LPP: variants seen among roughly 807,000 people sequenced by gnomAD.
The protein encoded by LPP is lipoma-preferred partner.
In LPP, 38 loss-of-function variants were observed where a neutral mutation model predicts 60.4. That is an observed-to-expected ratio of 0.63 (90% CI 0.49 to 0.83). The LOEUF (loss-of-function observed/expected upper bound fraction) is 0.83. Among genes scored for constraint, LPP ranks in the 40% least tolerant of loss-of-function variants. The pLI, the probability that LPP is intolerant of heterozygous loss-of-function variation, is 0.00. For missense variants in LPP, 902 were observed against 783.6 expected (o/e 1.15, Z -1.80); for synonymous variants, 328 against 290.8 (o/e 1.13, Z -1.30).
At chr3:188,715,524 T>A (rs1022896644) in intron 8 of LPP, among the ~76,000 whole-genome samples, 1 of 151,854 alleles carries the variant, frequency 6.6e-6, no homozygotes, top group African/African-American at 2.4e-5. Flanking sequence ...GAGAAAGGTA[T>A]TATTCTCAGA....
chr3:188,708,036 A>G (rs550725405), intron 7 of LPP, among the ~76,000 whole-genome samples: 1 of 152,382 alleles, frequency 6.6e-6, no homozygotes, highest in Non-Finnish European at 1.5e-5. Context: ...TATTGTAAAC[A>G]TGGATTTCTA....
intron 8 of LPP, chr3:188,743,515 T>G (rs569769250): frequency 6.6e-6 from 1 of 152,228 alleles, no homozygotes; most frequent in East Asian, 1.9e-4. Context: ...AGTCTGTGTG[T>G]GTTAACAGAT....
At chr3:188,670,824 C>A (rs542870287) in intron 7 of LPP, among the ~76,000 whole-genome samples, 7 of 152,148 alleles carry the variant, frequency 4.6e-5, no homozygotes, top group Non-Finnish European at 8.8e-5. Context: ...TCCAAATGGT[C>A]ACATCTTATG....
intron 8 of LPP, among the ~76,000 whole-genome samples, chr3:188,750,904 A>G (rs1433451827): frequency 6.6e-6 from 1 of 152,142 alleles, no homozygotes; most frequent in Non-Finnish European, 1.5e-5. Flanking sequence ...GATCTGATCT[A>G]ACTTTACATG....
At chr3:188,167,487 C>A (rs1357096256) in intron 1 of LPP, among the ~76,000 whole-genome samples, 1 of 133,166 alleles carries the variant, frequency 7.5e-6, no homozygotes, top group African/African-American at 3.1e-5. Flanking sequence ...GGCAACGGAG[C>A]AAGACTCCAC....
At chr3:188,345,141 A>C (rs994895479) in intron 3 of LPP, among the ~76,000 whole-genome samples, 1 of 152,190 alleles carries the variant, frequency 6.6e-6, no homozygotes, top group Non-Finnish European at 1.5e-5. Context: ...ACATAGTTGT[A>C]TCTTTAAGTA....
intron 1 of LPP, among the ~76,000 whole-genome samples, chr3:188,171,149 C>A (rs368949988): frequency 5.3e-5 from 8 of 152,260 alleles, no homozygotes; most frequent in African/African-American, 1.4e-4. Context: ...CTCTCAGGGC[C>A]TTTTAACTAG....
intron 2 of LPP, among the ~76,000 whole-genome samples, chr3:188,239,425 G>T (rs1056402356): frequency 6.6e-6 from 1 of 152,158 alleles, no homozygotes; most frequent in African/African-American, 2.4e-5. Context: ...TGTTTGTGTC[G>T]ATTACACGGC....
intron 4 of LPP, among the ~76,000 whole-genome samples, chr3:188,413,254 G>A (rs1785319934): frequency 6.6e-6 from 1 of 152,120 alleles, no homozygotes; most frequent in Non-Finnish European, 1.5e-5. Flanking sequence ...GTGCTTTTCT[G>A]TCTCTGGAGT....
chr3:188,589,787 T>G (rs1838274128), intron 6 of LPP, among the ~76,000 whole-genome samples: 3 of 152,238 alleles, frequency 2.0e-5, no homozygotes, highest in Admixed American at 2.0e-4. Flanking sequence ...GAATATTTTA[T>G]TATTACATTT....
intron 9 of LPP, among the ~76,000 whole-genome samples, chr3:188,841,660 C>T (rs929350417): frequency 5.3e-5 from 8 of 152,072 alleles, no homozygotes; most frequent in Non-Finnish European, 8.8e-5. Context: ...GCGCCCAGCC[C>T]TGAATTTGTT....
chr3:188,236,321 G>T (rs1721915110), intron 2 of LPP, among the ~76,000 whole-genome samples: 1 of 152,198 alleles, frequency 6.6e-6, no homozygotes, highest in South Asian at 2.1e-4. Context: ...AAGAGTATAT[G>T]TGAATGGAGA....
chr3:188,284,172 A>T (rs1000189153), intron 2 of LPP, among the ~76,000 whole-genome samples: 1 of 151,778 alleles, frequency 6.6e-6, no homozygotes, highest in African/African-American at 2.4e-5. Flanking sequence ...TGGGCAAATC[A>T]CCTGACCTCA....
chr3:188,495,080 A>ATTTTTT lies in LPP; in HGVS notation c.306+10377_306+10378insTTTTTT, dbSNP rs1419758882. On this transcript the variant is annotated intron_variant, in intron 5 of 11. Coordinates refer to ENST00000617246, the MANE Select transcript of LPP (RefSeq NM_001375462.1). ...TTCAGGATTTTATATATATATATAT[A>ATTTTTT]TATTTTATTTATATTTTATTATATA... 1.9e-3 allele frequency among the ~76,000 whole-genome samples: 194 copies of ATTTTTT among 100,782 alleles called. 13 individuals are homozygous for ATTTTTT. The highest frequency in any genetic ancestry group is 0.011 in the African/African-American group (181 of 16,492). 66.1% of individuals were successfully genotyped at this position (100,782 alleles called of 152,430 possible). A position where few individuals can be genotyped will look rare whatever the true frequency, so the allele number is the denominator to read the frequency against.
At chr3:188,473,065 C>T (rs1419962196) in intron 4 of LPP, among the ~76,000 whole-genome samples, 1 of 152,022 alleles carries the variant, frequency 6.6e-6, no homozygotes, top group Non-Finnish European at 1.5e-5. Context: ...ATGTATTCAT[C>T]TATAAAAAAA....
intron 4 of LPP, among the ~76,000 whole-genome samples, chr3:188,408,860 T>C (rs1473279188): frequency 1.3e-5 from 2 of 152,136 alleles, no homozygotes; most frequent in Admixed American, 1.3e-4. Flanking sequence ...ATATCCAGCA[T>C]GCGGTACTGC....
At chr3:188,500,379 A>T (rs1236784996) in intron 5 of LPP, among the ~76,000 whole-genome samples, 1 of 152,132 alleles carries the variant, frequency 6.6e-6, no homozygotes, top group Non-Finnish European at 1.5e-5. Flanking sequence ...TTAATATAAT[A>T]TATAACCTTG....
chr3:188,402,889 A>C (rs188756103), intron 3 of LPP, among the ~76,000 whole-genome samples: 1 of 152,344 alleles, frequency 6.6e-6, no homozygotes, highest in Non-Finnish European at 1.5e-5. Context: ...ACAGAGTTAG[A>C]GACATTTGAG....
At chr3:188,458,219 G>A (rs1461283633) in intron 4 of LPP, among the ~76,000 whole-genome samples, 1 of 152,048 alleles carries the variant, frequency 6.6e-6, no homozygotes, top group Admixed American at 6.6e-5. Flanking sequence ...ACTTGGATAT[G>A]GGCTAAATTG....
Sources: gnomAD v4.1 joint callset for allele counts (sites outside exome capture counted in the v4.1 genomes callset) on GRCh38, gnomAD v4.1.1 for gene constraint, MANE v1.5 for transcripts, NCBI Gene and HGNC (gene_info 2026-07-23, HGNC 2026-07-21) for gene names.